Variants in DNAH7 observed in about 807,000 individuals in gnomAD.
DNAH7 encodes the protein dynein axonemal heavy chain 7.
A neutral mutation model predicts 444.6 loss-of-function variants in DNAH7; 397 were observed. The ratio of observed to expected loss-of-function variants is 0.89; its 90% CI spans 0.82 to 0.97. The LOEUF (loss-of-function observed/expected upper bound fraction) is 0.97, where lower values mean the gene tolerates loss of function less well. DNAH7 is among the 50% of genes least tolerant of loss of function. The pLI, the probability that DNAH7 is intolerant of heterozygous loss-of-function variation, is 0.00. For synonymous variants in DNAH7, 1,636 were observed against 1,624.4 expected (o/e 1.01, Z -0.17); for missense variants, 4,902 against 4,800.8 (o/e 1.02, Z -0.62).
At chr2:195,921,037 T>G (rs1382828691) in intron 24 of DNAH7, among the ~76,000 whole-genome samples, 2 of 152,144 alleles carry the variant, frequency 1.3e-5, no homozygotes, top group Admixed American at 1.3e-4. Context: ...TCCTGAAGAA[T>G]GGTCATAATT....
chr2:195,863,122 C>A (rs1040367680), intron 41 of DNAH7, among the ~76,000 whole-genome samples: 3 of 152,330 alleles, frequency 2.0e-5, no homozygotes, highest in Admixed American at 2.0e-4. Flanking sequence ...TGTCTGTAGA[C>A]AAGAAGCTCA....
At chr2:195,991,475 TAAAAC>T (rs1201777951) in intron 12 of DNAH7, among the ~76,000 whole-genome samples, 10 of 151,962 alleles carry the variant, frequency 6.6e-5, no homozygotes, top group South Asian at 2.1e-4. Flanking sequence ...ACAACAAAAA[TAAAAC>T]AAAACAAAAT....
At chr2:195,999,341 T>C (rs1480274764) in intron 12 of DNAH7, 1 of 639,518 alleles carries the variant, frequency 1.6e-6, no homozygotes, top group Non-Finnish European at 2.8e-6. Context: ...ACCAGTATTG[T>C]CTTTGAAATC....
At chr2:195,848,564 G>A (rs1279799889) in intron 46 of DNAH7, among the ~76,000 whole-genome samples, 2 of 152,238 alleles carry the variant, frequency 1.3e-5, no homozygotes, top group Non-Finnish European at 2.9e-5. Context: ...GCAACGCAAA[G>A]ACACTCAGAT....
At chr2:195,989,802 T>TCCTGCC (rs1340158181) in intron 12 of DNAH7, among the ~76,000 whole-genome samples, 11 of 152,308 alleles carry the variant, frequency 7.2e-5, no homozygotes, top group African/African-American at 2.6e-4. Flanking sequence ...CTGCTCCTGC[T>TCCTGCC]CCTGCCACGT....
At chr2:195,825,220 T>C (rs755183659) in intron 48 of DNAH7, 5 of 151,632 alleles carry the variant, frequency 3.3e-5, no homozygotes, top group African/African-American at 4.8e-5. Context: ...ATCAAGCTAC[T>C]GCCCTCCAGC....
chr2:196,004,239 G>C lies in DNAH7; in HGVS notation c.990-2381C>G, dbSNP rs149040621. Among the ~76,000 whole-genome samples the C allele has an allele frequency of 1.6e-3, 239 of 152,276 alleles. 1 individual carries two copies. Among genetic ancestry groups the C allele is most frequent in the African/African-American group, 5.3e-3 (219 of 41,564 alleles). ...TTACAGGCTAGGCTTGAAAAAGAAA[G>C]CTACCAGAGACAAAGGAATATGGCA... On this transcript the variant is annotated intron_variant, in intron 10 of 64. Transcript: ENST00000312428.
chr2:196,030,927 G>T (rs6434812), intron 5 of DNAH7, among the ~76,000 whole-genome samples: 118,858 of 152,112 alleles, frequency 0.78, 46,668 homozygotes, highest in East Asian at 0.99. Context: ...GATCTACCAT[G>T]CTGGGGTCTG....
At chr2:195,802,001 T>C (rs1054821177) in intron 54 of DNAH7, among the ~76,000 whole-genome samples, 1 of 152,184 alleles carries the variant, frequency 6.6e-6, no homozygotes, top group Non-Finnish European at 1.5e-5. Context: ...GGATGACATA[T>C]ATACTGTTTG....
rs370736802 is a variant in DNAH7, at chr2:196,001,779, A to G, written c.1069T>C (p.Leu357=). Residue 357 remains leucine, a synonymous_variant, in exon 11 of 65, where the codon TTG becomes CTG. Coordinates refer to ENST00000312428, the MANE Select transcript of DNAH7 (RefSeq NM_018897.3). ...GCAGCACAGTTGAAAAAAGATTCCA[A>G]TTTGGCACTGCTGTCACCAGTTGGC... The part of the protein sequence containing the change: ...QLPTGDSSAK[L]ESFFNCAAAL... 41 of 1,613,260 alleles carry G rather than the reference A, an allele frequency of 2.5e-5. No individual in the cohort carries two copies. In the Middle Eastern group the frequency reaches 1.7e-3, roughly 65 times the overall value.
At chr2:196,015,692 T>C (rs1694977700) in intron 9 of DNAH7, among the ~76,000 whole-genome samples, 1 of 152,136 alleles carries the variant, frequency 6.6e-6, no homozygotes, top group Admixed American at 6.6e-5. Flanking sequence ...CATTTTAGAG[T>C]CACTCAGACA....
chr2:195,741,055 G>C (rs1189810467), intron 63 of DNAH7, 186 bp from the exon 64 acceptor site: 3 of 293,924 alleles, frequency 1.0e-5, no homozygotes, highest in Non-Finnish European at 1.3e-5. Context: ...TTGAAACTTT[G>C]CCTAGTGAAA....
chr2:195,798,288 G>T (rs1204835899), intron 55 of DNAH7, among the ~76,000 whole-genome samples: 3 of 152,108 alleles, frequency 2.0e-5, no homozygotes, highest in Non-Finnish European at 4.4e-5. Context: ...GAACATGTAT[G>T]TAACAAGGTC....
intron 47 of DNAH7, among the ~76,000 whole-genome samples, chr2:195,838,348 C>A (rs977006792): frequency 6.6e-6 from 1 of 151,484 alleles, no homozygotes; most frequent in Admixed American, 6.6e-5. Context: ...GTGATTAATT[C>A]TCAAAGAAAT....
intron 47 of DNAH7, among the ~76,000 whole-genome samples, chr2:195,835,163 TTCTTTC>T (rs1222125261): frequency 1.3e-5 from 2 of 152,166 alleles, no homozygotes; most frequent in African/African-American, 4.8e-5. Flanking sequence ...AAAATCACTA[TTCTTTC>T]TCTTTCTCTT....
At chr2:195,839,011 G>T (rs1698533342) in intron 47 of DNAH7, among the ~76,000 whole-genome samples, 1 of 151,798 alleles carries the variant, frequency 6.6e-6, no homozygotes, top group Non-Finnish European at 1.5e-5. Context: ...ATGAACAACA[G>T]TATCAAGCAA....
chr2:195,821,551 T>C (rs1365353802), intron 49 of DNAH7, among the ~76,000 whole-genome samples: 2 of 152,206 alleles, frequency 1.3e-5, no homozygotes, highest in Non-Finnish European at 2.9e-5. Context: ...CCCTGTGCCA[T>C]TACCCACAAG....
At chr2:195,809,211 A>G (rs939859460) in intron 52 of DNAH7, among the ~76,000 whole-genome samples, 1 of 152,228 alleles carries the variant, frequency 6.6e-6, no homozygotes, top group Non-Finnish European at 1.5e-5. Flanking sequence ...AAATTGTAGA[A>G]AGGCAGAAAC....
chr2:195,742,593 A>T (rs1693110704), intron 63 of DNAH7, among the ~76,000 whole-genome samples: 1 of 152,222 alleles, frequency 6.6e-6, no homozygotes, highest in South Asian at 2.1e-4. Context: ...ATATAGATAC[A>T]TAGAATATAT....
Sources: allele counts gnomAD v4.1 joint callset (sites outside exome capture counted in the v4.1 genomes callset), GRCh38; gene constraint gnomAD v4.1.1; transcripts MANE v1.5; gene names NCBI Gene and HGNC (gene_info 2026-07-23, HGNC 2026-07-21).